The following CWF19L2 variants were observed in gnomAD, a reference collection of about 807,000 sequenced individuals.
CWF19L2 encodes CWF19-like protein 2.
Under a neutral mutation model 111.7 loss-of-function variants are expected in CWF19L2, and 98 were observed. That is an observed-to-expected ratio of 0.88 (90% CI 0.75 to 1.04). CWF19L2 has a LOEUF of 1.04. Ranked by LOEUF, CWF19L2 falls within the 50% of genes least tolerant of loss-of-function variation. CWF19L2 has a pLI of 0.00. For synonymous variants in CWF19L2, 351 were observed against 342.9 expected (o/e 1.02, Z -0.26); for missense variants, 1,101 against 1,051.4 (o/e 1.05, Z -0.65).
intron 14 of CWF19L2, among the ~76,000 whole-genome samples, chr11:107,337,879 A>G (rs1441066609): frequency 6.6e-6 from 1 of 152,120 alleles, no homozygotes; most frequent in Non-Finnish European, 1.5e-5. Flanking sequence ...TACAGATCAC[A>G]TGTAGTTATA....
rs150956615 is a variant in CWF19L2, at chr11:107,403,790, A to G, written c.1618-10895T>C. On this transcript the variant is annotated intron_variant, in intron 10 of 17. Transcript: ENST00000282251. The stretch of plus-strand genomic sequence containing the variant: ...TGCAATCTCAGCTGCAACTTTCTCC[A>G]TATCCACTTCTACTGTCAGACCGCA... 2.4e-3 allele frequency: 2,073 copies of G among 876,014 alleles called. 14 individuals are homozygous for G. The highest frequency in any genetic ancestry group is 3.7e-3 in the South Asian group (282 of 76,342). The allele number at this position is 876,014 out of a possible 1,614,324, so 54.3% of individuals were successfully genotyped here.
At chr11:107,442,774 GGAAGGAAGGA>G (rs1861640522) in intron 4 of CWF19L2, among the ~76,000 whole-genome samples, 155 bp downstream of exon 4, 2 of 49,614 alleles carry the variant, frequency 4.0e-5, no homozygotes, top group Non-Finnish European at 7.8e-5. Context: ...AAGGAAGGAA[GGAAGGAAGGA>G]AGGAAGGAAG....
intron 2 of CWF19L2, 93 bp from the exon 3 acceptor site, chr11:107,454,665 A>G: frequency 1.1e-6 from 1 of 893,058 alleles, no homozygotes; most frequent in Non-Finnish European, 1.5e-6. Context: ...CCACATTCTA[A>G]AAAACTTTCA....
intron 10 of CWF19L2, among the ~76,000 whole-genome samples, chr11:107,402,873 G>GTATATA (rs145828149): frequency 0.04 from 3,801 of 94,172 alleles, 224 homozygotes; most frequent in Non-Finnish European, 0.051. Flanking sequence ...ACTGTGGTGT[G>GTATATA]TATATATATA....
rs117532134 is a variant in CWF19L2 at position 107,357,404 on chromosome 11, C to T, written c.1873-3668G>A. On this transcript the variant is annotated intron_variant, in intron 12 of 17. Coordinates refer to ENST00000282251, the MANE Select transcript of CWF19L2 (RefSeq NM_152434.3). ...AATATATTAACAGGAGCACAATACACATTTATACATACATAATTGTGCCTT... is the reference window on the plus strand; with the variant it reads ...AATATATTAACAGGAGCACAATACATATTTATACATACATAATTGTGCCTT... Among the ~76,000 whole-genome samples, 1,060 of 152,298 alleles carry T rather than the reference C, an allele frequency of 7.0e-3. 7 individuals carry two copies. The highest frequency in any genetic ancestry group is 0.011 in the Non-Finnish European group (738 of 68,016).
At chr11:107,337,977 G>C (rs1374612850) in intron 14 of CWF19L2, among the ~76,000 whole-genome samples, 2 of 152,058 alleles carry the variant, frequency 1.3e-5, no homozygotes, top group Non-Finnish European at 2.9e-5. Context: ...ATCACAACCA[G>C]GATATTGACA....
chr11:107,374,022 A>C lies in CWF19L2; in HGVS notation c.1872+16052T>G, dbSNP rs79841728. ...ATCAACTGGAAGAAAGGGTATCAGC[A>C]ATGGAAGATGAACTGAATGAAATGA... On this transcript the variant is annotated intron_variant, in intron 12 of 17. Transcript: ENST00000282251. Among the ~76,000 whole-genome samples, 6 of 137,132 alleles carry C rather than the reference A, an allele frequency of 4.4e-5. 1 individual carries two copies. Among genetic ancestry groups the C allele is most frequent in the Non-Finnish European group, 4.7e-5 (3 of 64,234 alleles). 90.0% of individuals were successfully genotyped at this position (137,132 alleles called of 152,430 possible).
intron 12 of CWF19L2, among the ~76,000 whole-genome samples, chr11:107,383,580 TC>T (rs1860723983): frequency 6.6e-6 from 1 of 152,062 alleles, no homozygotes; most frequent in Admixed American, 6.5e-5. Context: ...GAATCATAAT[TC>T]CCCTATACAA....
chr11:107,380,562 T>TA lies in CWF19L2; in HGVS notation c.1872+9511dup, dbSNP rs1029811828. ...AGCTTTTACAAAAAACAAAACAAAA[T>TA]AAAAAAAAATAAGTGTTGGCAAGAA... is the stretch of plus-strand genomic sequence containing the variant. On this transcript the variant is annotated intron_variant, in intron 12 of 17. Transcript: ENST00000282251. Among the ~76,000 whole-genome samples, 17 of 150,850 alleles carry TA rather than the reference T, an allele frequency of 1.1e-4. No individual in the cohort carries two copies. The East Asian group carries it at 1.4e-3, about 12-fold the overall frequency.
intron 8 of CWF19L2, among the ~76,000 whole-genome samples, chr11:107,422,843 A>G (rs1861320689): frequency 6.6e-6 from 1 of 150,926 alleles, no homozygotes; most frequent in South Asian, 2.1e-4. Flanking sequence ...TAACAGACAG[A>G]TAGCATTGGA....
chr11:107,410,204 G>C (rs1252452640), intron 10 of CWF19L2, among the ~76,000 whole-genome samples: 1 of 151,880 alleles, frequency 6.6e-6, no homozygotes, highest in Non-Finnish European at 1.5e-5. Flanking sequence ...ATTTCCATCA[G>C]AAGTATTCCA....
intron 12 of CWF19L2, among the ~76,000 whole-genome samples, chr11:107,371,489 C>A (rs1860509942): frequency 1.1e-5 from 1 of 88,966 alleles, no homozygotes; most frequent in Non-Finnish European, 2.2e-5. Flanking sequence ...TAAAGTACGG[C>A]ATGAATTACA....
chr11:107,384,369 T>A (rs984955476), intron 12 of CWF19L2, among the ~76,000 whole-genome samples: 3 of 152,224 alleles, frequency 2.0e-5, no homozygotes, highest in Non-Finnish European at 2.9e-5. Context: ...GATTCATACA[T>A]ACCTAATACA....
intron 14 of CWF19L2, among the ~76,000 whole-genome samples, chr11:107,340,343 A>G (rs1483888285): frequency 1.3e-5 from 2 of 152,184 alleles, no homozygotes; most frequent in African/African-American, 4.8e-5. Flanking sequence ...ATATTTATAT[A>G]AGGTATGAGG....
intron 12 of CWF19L2, among the ~76,000 whole-genome samples, chr11:107,387,887 A>G (rs1860793806): frequency 6.6e-6 from 1 of 152,096 alleles, no homozygotes; most frequent in African/African-American, 2.4e-5. Context: ...TGGCCCAGGG[A>G]TATGGGCCCC....
intron 14 of CWF19L2, among the ~76,000 whole-genome samples, chr11:107,347,180 AG>A (rs1860092409): frequency 6.6e-6 from 1 of 152,240 alleles, no homozygotes; most frequent in Non-Finnish European, 1.5e-5. Flanking sequence ...TGATTACTCA[AG>A]TATGCTATGC....
intron 16 of CWF19L2, among the ~76,000 whole-genome samples, chr11:107,333,516 G>A (rs995555399): frequency 1.3e-5 from 2 of 152,122 alleles, no homozygotes; most frequent in African/African-American, 4.8e-5. Context: ...AACATGAGAA[G>A]TGAAAAACGT....
At chr11:107,448,766 A>G (rs1369482992) in intron 3 of CWF19L2, among the ~76,000 whole-genome samples, 1 of 152,140 alleles carries the variant, frequency 6.6e-6, no homozygotes, top group Non-Finnish European at 1.5e-5. Flanking sequence ...CTTCTGCCAT[A>G]TGAGGTTAGA....
At chr11:107,368,287 G>A in intron 12 of CWF19L2, among the ~76,000 whole-genome samples, 1 of 137,420 alleles carries the variant, frequency 7.3e-6, no homozygotes, top group East Asian at 2.1e-4. Flanking sequence ...ATACAAAAGA[G>A]CATCAGAGAC....
Sources: allele counts gnomAD v4.1 joint callset (sites outside exome capture counted in the v4.1 genomes callset), GRCh38; gene constraint gnomAD v4.1.1; transcripts MANE v1.5; gene names NCBI Gene and HGNC (gene_info 2026-07-23, HGNC 2026-07-21).